CNTN4: variants seen among roughly 807,000 people sequenced by gnomAD.
CNTN4 encodes the protein contactin-4.
In CNTN4, 77 loss-of-function variants were observed where a neutral mutation model predicts 122.5. The ratio of observed to expected loss-of-function variants is 0.63; its 90% CI spans 0.52 to 0.76. CNTN4 has a LOEUF of 0.76. Ranked by LOEUF, CNTN4 falls within the 30% of genes least tolerant of loss-of-function variation. The pLI, the probability that CNTN4 is intolerant of heterozygous loss-of-function variation, is 0.00. For synonymous variants in CNTN4, 512 were observed against 447.0 expected (o/e 1.15, Z -1.83); for missense variants, 1,256 against 1,259.1 (o/e 1.00, Z 0.04).
intron 14 of CNTN4, among the ~76,000 whole-genome samples, chr3:3,021,163 T>C (rs1574844766): frequency 6.6e-6 from 1 of 152,168 alleles, no homozygotes; most frequent in African/African-American, 2.4e-5. Context: ...TTTGCCTAGG[T>C]GAAAAGGTTG....
intron 3 of CNTN4, among the ~76,000 whole-genome samples, chr3:2,539,271 T>C (rs1413043057): frequency 6.6e-6 from 1 of 152,138 alleles, no homozygotes; most frequent in Admixed American, 6.6e-5. Context: ...TGCTACATTT[T>C]AGTAATCAGA....
chr3:2,164,513 A>G (rs2036112253), intron 2 of CNTN4, among the ~76,000 whole-genome samples: 1 of 152,224 alleles, frequency 6.6e-6, no homozygotes, highest in South Asian at 2.1e-4. Context: ...AAGCCTTCAC[A>G]TTGAATGACC....
intron 2 of CNTN4, among the ~76,000 whole-genome samples, chr3:2,281,941 A>G (rs1559409716): frequency 6.6e-6 from 1 of 152,106 alleles, no homozygotes; most frequent in African/African-American, 2.4e-5. Context: ...TGAAATTTTA[A>G]TAATCAGGTA....
At chr3:2,220,144 C>A (rs1331603321) in intron 2 of CNTN4, among the ~76,000 whole-genome samples, 1 of 152,078 alleles carries the variant, frequency 6.6e-6, no homozygotes, top group Non-Finnish European at 1.5e-5. Flanking sequence ...GAAACCCTTC[C>A]TCAGTTTTAA....
At chr3:2,592,078 A>G (rs2080522252) in intron 4 of CNTN4, among the ~76,000 whole-genome samples, 1 of 151,834 alleles carries the variant, frequency 6.6e-6, no homozygotes, top group Non-Finnish European at 1.5e-5. Context: ...ATGAGGTTTC[A>G]CTTTGTTTCC....
intron 3 of CNTN4, among the ~76,000 whole-genome samples, chr3:2,487,128 C>G (rs1024033977): frequency 6.6e-6 from 1 of 152,120 alleles, no homozygotes; most frequent in African/African-American, 2.4e-5. Flanking sequence ...CACTGCTAAA[C>G]ATAATTATTG....
intron 6 of CNTN4, among the ~76,000 whole-genome samples, chr3:2,779,819 A>G (rs1210882871): frequency 6.6e-6 from 1 of 152,204 alleles, no homozygotes; most frequent in Non-Finnish European, 1.5e-5. Context: ...ATGAGGGGGA[A>G]AATTCTTAGG....
At chr3:3,027,232 G>A (rs1356995894) in intron 15 of CNTN4, among the ~76,000 whole-genome samples, 1 of 152,152 alleles carries the variant, frequency 6.6e-6, no homozygotes, top group Non-Finnish European at 1.5e-5. Context: ...GTCACAGAAT[G>A]CCCAAAACAA....
intron 3 of CNTN4, among the ~76,000 whole-genome samples, chr3:2,371,244 T>C (rs930129165): frequency 6.6e-6 from 1 of 152,198 alleles, no homozygotes; most frequent in Non-Finnish European, 1.5e-5. Context: ...GAGTAAAGAC[T>C]AGCATTCTTT....
intron 6 of CNTN4, among the ~76,000 whole-genome samples, chr3:2,766,125 T>A (rs975192823): frequency 3.3e-5 from 5 of 152,168 alleles, no homozygotes; most frequent in African/African-American, 1.2e-4. Flanking sequence ...GGGGTTTGGT[T>A]CAAAATTTAA....
chr3:2,966,850 C>G (rs893240649), intron 13 of CNTN4, among the ~76,000 whole-genome samples: 1 of 152,088 alleles, frequency 6.6e-6, no homozygotes, highest in Non-Finnish European at 1.5e-5. Context: ...TTTTAATCAG[C>G]CAAATTATAT....
chr3:2,551,760 T>A (rs536528545), intron 3 of CNTN4, among the ~76,000 whole-genome samples: 1 of 152,296 alleles, frequency 6.6e-6, no homozygotes, highest in African/African-American at 2.4e-5. Context: ...TTTTCTCTCA[T>A]CTCAGTTTCT....
intron 4 of CNTN4, among the ~76,000 whole-genome samples, chr3:2,590,727 T>C (rs2080430319): frequency 6.6e-6 from 1 of 152,018 alleles, no homozygotes; most frequent in African/African-American, 2.4e-5. Flanking sequence ...CGATTTACTT[T>C]CTCTTTTGAA....
intron 2 of CNTN4, among the ~76,000 whole-genome samples, chr3:2,176,609 A>C (rs928119779): frequency 6.6e-6 from 1 of 152,164 alleles, no homozygotes; most frequent in African/African-American, 2.4e-5. Context: ...ATGTTTGCTA[A>C]TGATGGTAAT....
chr3:2,883,344 G>C, intron 9 of CNTN4, 97 bp downstream of exon 9: 1 of 874,192 alleles, frequency 1.1e-6, no homozygotes, highest in Non-Finnish European at 1.9e-6. Flanking sequence ...CTGAGGTGAC[G>C]GAAAAGCAAG....
chr3:2,903,967 T>G (rs1212689821), intron 12 of CNTN4, among the ~76,000 whole-genome samples: 2 of 152,036 alleles, frequency 1.3e-5, no homozygotes, highest in Non-Finnish European at 2.9e-5. Flanking sequence ...GATTAATAGA[T>G]TAGGTCAGTA....
At chr3:2,504,539 C>T (rs2076681840) in intron 3 of CNTN4, among the ~76,000 whole-genome samples, 2 of 152,096 alleles carry the variant, frequency 1.3e-5, no homozygotes, top group South Asian at 4.1e-4. Context: ...CGGGTATTTT[C>T]TAACCATTCT....
intron 4 of CNTN4, among the ~76,000 whole-genome samples, chr3:2,601,827 G>T (rs541771217): frequency 3.3e-5 from 5 of 152,012 alleles, no homozygotes; most frequent in Non-Finnish European, 7.4e-5. Context: ...GATGAACATT[G>T]ATGCAAAAAT....
chr3:3,032,123 C>T (rs1039252), intron 16 of CNTN4, among the ~76,000 whole-genome samples: 81,855 of 152,002 alleles, frequency 0.54, 22,299 homozygotes, highest in Middle Eastern at 0.63. Flanking sequence ...AAACTTTCAG[C>T]AACAGTGCAG....
Sources: allele counts gnomAD v4.1 joint callset (sites outside exome capture counted in the v4.1 genomes callset), GRCh38; gene constraint gnomAD v4.1.1; transcripts MANE v1.5; gene names NCBI Gene and HGNC (gene_info 2026-07-23, HGNC 2026-07-21).